The following NTF3 variants were observed in gnomAD, a reference collection of about 807,000 sequenced individuals.
The protein encoded by NTF3 is neurotrophin-3.
A neutral mutation model predicts 26.3 loss-of-function variants in NTF3; 8 were observed. The observed-to-expected ratio is 0.30, with a 90% CI of 0.18 to 0.55. The LOEUF (loss-of-function observed/expected upper bound fraction) is 0.55. Among genes scored for constraint, NTF3 ranks in the 20% least tolerant of loss-of-function variants. The pLI, the probability that NTF3 is intolerant of heterozygous loss-of-function variation, is 0.93. For synonymous variants in NTF3, 154 were observed against 145.5 expected, an observed-to-expected ratio of 1.06 and a Z score of -0.42; for missense variants, 276 against 352.9, an observed-to-expected ratio of 0.78 and a Z score of 1.75.
Position 5,432,318 on chromosome 12 carries a change from G to A in NTF3, c.-7G>A. The A allele has an allele frequency of 1.9e-6, 3 of 1,613,354 alleles. No individual in the cohort carries two copies. The highest frequency in any genetic ancestry group is 2.5e-6 in the Non-Finnish European group (3 of 1,179,814). On this transcript the variant is annotated 5_prime_UTR_variant, in exon 1 of 2. Transcript: ENST00000423158. ...TCGACGTCCCTGGAAACGGCCACAC[G>A]GATGCCATGGTTACTTTTGCCACGG... is the stretch of plus-strand genomic sequence containing the variant.
intron 1 of NTF3, among the ~76,000 whole-genome samples, chr12:5,466,379 C>G (rs144299993): frequency 8.4e-4 from 128 of 152,310 alleles, no homozygotes; most frequent in African/African-American, 2.8e-3. Flanking sequence ...CAGCCTGTCC[C>G]ATTTTGTACA....
At chr12:5,467,769 T>TA (rs919935395) in intron 1 of NTF3, among the ~76,000 whole-genome samples, 3 of 152,184 alleles carry the variant, frequency 2.0e-5, no homozygotes, top group Non-Finnish European at 4.4e-5. Context: ...TATTGTTTTT[T>TA]AAATGCCGCC....
chr12:5,467,228 CAAAAAAAAAAAAAA>C (rs60794349), intron 1 of NTF3, among the ~76,000 whole-genome samples: 74 of 49,556 alleles, frequency 1.5e-3, no homozygotes, highest in African/African-American at 1.4e-3. Context: ...GACTCCGTCT[CAAAAAAAAAAAAAA>C]AAAAAAAAAA....
intron 1 of NTF3, among the ~76,000 whole-genome samples, chr12:5,472,277 A>C (rs1469666877): frequency 6.6e-6 from 1 of 152,208 alleles, no homozygotes; most frequent in East Asian, 1.9e-4. Context: ...GCTCGTGCGC[A>C]TGAGCATTTG....
At chr12:5,448,274 ATAC>A (rs1940330979) in intron 1 of NTF3, among the ~76,000 whole-genome samples, 2 of 152,200 alleles carry the variant, frequency 1.3e-5, no homozygotes, top group Non-Finnish European at 2.9e-5. Context: ...AGATTATTAA[ATAC>A]TCATGCTCCT....
intron 1 of NTF3, among the ~76,000 whole-genome samples, chr12:5,451,862 T>A (rs181896331): frequency 2.8e-4 from 42 of 152,196 alleles, no homozygotes; most frequent in African/African-American, 7.7e-4. Context: ...CCTGGCTAAT[T>A]TTTCAATTTT....
Position 5,434,686 on chromosome 12 carries a change from G to A in NTF3, c.18+2344G>A, listed in dbSNP as rs538350599. ...GAAGGGTGTCAGAGCAGGAGGAGAG[G>A]TGCAGCCTGTTGAAGACAGATGGCT... On this transcript the variant is annotated intron_variant, in intron 1 of 1. Transcript: ENST00000423158. Among the ~76,000 whole-genome samples the A allele has an allele frequency of 2.6e-5, 4 of 152,226 alleles. No homozygotes were observed. The East Asian group carries it at 5.8e-4, about 22-fold the overall frequency.
chr12:5,447,333 A>C lies in NTF3; in HGVS notation c.18+14991A>C, dbSNP rs551685566. 2.6e-5 allele frequency among the ~76,000 whole-genome samples: 4 copies of C among 152,378 alleles called. No individual in the cohort carries two copies. In the South Asian group the frequency reaches 8.3e-4, roughly 32 times the overall value. ...GCGTGAATTGAGTAAAAAGTTTACT[A>C]TCGTATTAAGGACTGTTAGGTACAA... On this transcript the variant is annotated intron_variant, in intron 1 of 1. Transcript: ENST00000423158.
At chr12:5,488,622 G>A (rs1193418418) in intron 1 of NTF3, among the ~76,000 whole-genome samples, 1 of 152,090 alleles carries the variant, frequency 6.6e-6, no homozygotes, top group East Asian at 1.9e-4. Context: ...TTTATATATG[G>A]CCTTAGTTTA....
intron 1 of NTF3, among the ~76,000 whole-genome samples, chr12:5,459,243 A>G (rs1940494602): frequency 6.6e-6 from 1 of 152,098 alleles, no homozygotes; most frequent in South Asian, 2.1e-4. Flanking sequence ...CAGAGGATGG[A>G]GGCCAACCAC....
intron 1 of NTF3, among the ~76,000 whole-genome samples, chr12:5,484,608 C>G (rs750111663): frequency 7.9e-5 from 12 of 152,162 alleles, no homozygotes; most frequent in Non-Finnish European, 1.3e-4. Context: ...AATCATAAAA[C>G]AATTAATTCC....
intron 1 of NTF3, among the ~76,000 whole-genome samples, chr12:5,469,358 C>T (rs570304995): frequency 2.0e-5 from 3 of 152,178 alleles, no homozygotes; most frequent in South Asian, 2.1e-4. Flanking sequence ...GGAAGGGTGG[C>T]GGCAGAGCTT....
At position 5,494,652 on chromosome 12, in the gene NTF3, A is replaced by C. The variant is rs187477850; in HGVS notation, c.477A>C (p.Arg159=). The C allele has an allele frequency of 1.9e-6, 3 of 1,614,094 alleles. No homozygotes were observed. The African/African-American group carries it at 4.0e-5, about 22-fold the overall frequency. The change falls in exon 2 of 2, where the codon CGA becomes CGC. Residue 159 remains arginine (R), a synonymous_variant. Transcript: ENST00000423158. This position sits in a 1 kb window ranked among gnomAD's most constrained non-coding sequence, Gnocchi z 8.3. The stretch of plus-strand genomic sequence containing the variant: ...GGTACGCGGAGCATAAGAGTCACCG[A>C]GGGGAGTACTCGGTATGTGACAGTG... ...RKRYAEHKSH[R]GEYSVCDSES...
chr12:5,484,947 T>C (rs561238755), intron 1 of NTF3, among the ~76,000 whole-genome samples: 1 of 152,342 alleles, frequency 6.6e-6, no homozygotes, highest in African/African-American at 2.4e-5. Context: ...ACCTACATTA[T>C]TTTGTTTCTC....
At chr12:5,447,640 A>C (rs1346248179) in intron 1 of NTF3, among the ~76,000 whole-genome samples, 4 of 152,228 alleles carry the variant, frequency 2.6e-5, no homozygotes, top group African/African-American at 9.6e-5. Context: ...GATGCATAGG[A>C]TCGTGCTTGG....
In NTF3 at chr12:5,494,861, A is replaced by G. The variant is rs1940988777; in HGVS notation, c.686A>G (p.Gln229Arg). ...ATTGATGATAAACACTGGAACTCTCAGTGCAAAACATCCCAAACCTACGTC... is the reference window on the plus strand; with the variant it reads ...ATTGATGATAAACACTGGAACTCTCGGTGCAAAACATCCCAAACCTACGTC... ...RGIDDKHWNS[Q>R]CKTSQTYVRA... is the part of the protein sequence containing the mutation. The change falls in exon 2 of 2, where the codon CAG becomes CGG. Residue 229 changes from glutamine (Q) to arginine (R), a missense_variant. This residue lies in a region of NTF3 where 52 missense variants were observed against 78.4 expected (regional missense o/e 0.66). Transcript: ENST00000423158. The surrounding 1 kb of genome is among the most constrained non-coding windows in gnomAD (Gnocchi z 8.3). 6.2e-7 allele frequency: 1 copy of G among 1,614,054 alleles called. No individual in the cohort carries two copies. Among genetic ancestry groups the G allele is most frequent in the African/African-American group, 1.3e-5 (1 of 74,906 alleles).
At chr12:5,436,024 G>A (rs1940163553) in intron 1 of NTF3, among the ~76,000 whole-genome samples, 2 of 152,122 alleles carry the variant, frequency 1.3e-5, no homozygotes, top group South Asian at 4.2e-4. Context: ...AGCGAAAAAA[G>A]GTGTACACAA....
At chr12:5,450,570 C>G (rs1481423767) in intron 1 of NTF3, among the ~76,000 whole-genome samples, 1 of 152,194 alleles carries the variant, frequency 6.6e-6, no homozygotes, top group Non-Finnish European at 1.5e-5. Flanking sequence ...ACTCAGACAA[C>G]AAGAATAGAT....
rs944225919 is a variant in NTF3 at position 5,444,066 on chromosome 12, C to T, written c.18+11724C>T. Among the ~76,000 whole-genome samples, 50 of 133,826 alleles carry T rather than the reference C, an allele frequency of 3.7e-4. 2 individuals carry two copies. Among genetic ancestry groups the T allele is most frequent in the Non-Finnish European group, 5.4e-5 (3 of 56,030 alleles). The allele number at this position is 133,826 out of a possible 152,430, so 87.8% of individuals were successfully genotyped here. A position where few individuals can be genotyped will look rare whatever the true frequency, so the allele number is the denominator to read the frequency against. ...CTTGTCTGAATCAAGAATACATCTTCCCGTTCCCTCTTCCATGTTTACATC... is the reference window on the plus strand; with the variant it reads ...CTTGTCTGAATCAAGAATACATCTTTCCGTTCCCTCTTCCATGTTTACATC... On this transcript the variant is annotated intron_variant, in intron 1 of 1. Transcript: ENST00000423158.
Sources: allele counts gnomAD v4.1 joint callset (sites outside exome capture counted in the v4.1 genomes callset), GRCh38; gene constraint gnomAD v4.1.1; regional missense constraint gnomAD v4.1.1; non-coding constraint Gnocchi (gnomAD v3.1); transcripts MANE v1.5; gene names NCBI Gene and HGNC (gene_info 2026-07-23, HGNC 2026-07-21).